ZNF536: variants seen among roughly 807,000 people sequenced by gnomAD.
The protein encoded by ZNF536 is zinc finger protein 536.
Under a neutral mutation model 84.5 loss-of-function variants are expected in ZNF536, and 13 were observed. The ratio of observed to expected loss-of-function variants is 0.15; its 90% CI spans 0.10 to 0.24. ZNF536 has a LOEUF of 0.24. Ranked by LOEUF, ZNF536 falls within the 10% of genes least tolerant of loss-of-function variation. The pLI, the probability that ZNF536 is intolerant of heterozygous loss-of-function variation, is 1.00. For missense variants in ZNF536, 1,536 were observed against 1,747.5 expected, an observed-to-expected ratio of 0.88 and a Z score of 2.16; for synonymous variants, 811 against 742.5, an observed-to-expected ratio of 1.09 and a Z score of -1.50.
At chr19:30,595,461 A>AT (rs1170381999) in intron 1 of ZNF536, among the ~76,000 whole-genome samples, 4 of 151,594 alleles carry the variant, frequency 2.6e-5, no homozygotes, top group Non-Finnish European at 5.9e-5. Flanking sequence ...CTATTTTTTA[A>AT]TTTTTTTGTA....
chr19:30,395,103 C>G (rs932650261), intron 1 of ZNF536, among the ~76,000 whole-genome samples: 1 of 152,134 alleles, frequency 6.6e-6, no homozygotes, highest in African/African-American at 2.4e-5. Context: ...CTTCTTAGGG[C>G]TTTCGTTGTG....
chr19:30,685,330 G>A (rs983766432), intron 1 of ZNF536, among the ~76,000 whole-genome samples: 2 of 152,192 alleles, frequency 1.3e-5, no homozygotes, highest in African/African-American at 2.4e-5. Context: ...CTGAGCTGAT[G>A]GAGAGACTCT....
In ZNF536 at chr19:30,336,139, A is replaced by G. The variant is rs115713355; in HGVS notation, c.-119-16229A>G. Among the ~76,000 whole-genome samples the G allele has an allele frequency of 8.2e-3, 1,255 of 152,322 alleles. 16 individuals are homozygous for G. The highest frequency in any genetic ancestry group is 0.029 in the African/African-American group (1,221 of 41,570). The stretch of plus-strand genomic sequence containing the variant: ...CTACTGAGCGCAGACTGTATGTCCT[A>G]TGCTGGTTTAGGTTCCAGCATGAGA... On this transcript the variant is annotated intron_variant, in intron 2 of 5. Coordinates refer to the ZNF536 transcript ENST00000585628.
intron 2 of ZNF536, among the ~76,000 whole-genome samples, chr19:30,454,888 C>A (rs1005262953): frequency 2.0e-5 from 3 of 152,178 alleles, no homozygotes; most frequent in Non-Finnish European, 4.4e-5. Flanking sequence ...CAAAAATTAA[C>A]CGGGCTTGGT....
At chr19:30,451,131 G>A (rs1009022179) in intron 2 of ZNF536, among the ~76,000 whole-genome samples, 3 of 152,274 alleles carry the variant, frequency 2.0e-5, no homozygotes, top group Non-Finnish European at 4.4e-5. Context: ...AGGCGAATAA[G>A]CCGGCTGGTC....
chr19:30,613,141 G>A (rs1440974394), intron 1 of ZNF536, among the ~76,000 whole-genome samples: 1 of 152,174 alleles, frequency 6.6e-6, no homozygotes, highest in Non-Finnish European at 1.5e-5. Context: ...GGAACTTGAG[G>A]TGATCTTTCC....
At chr19:30,628,095 C>T (rs191488080) in intron 1 of ZNF536, among the ~76,000 whole-genome samples, 45 of 152,318 alleles carry the variant, frequency 3.0e-4, no homozygotes, top group South Asian at 1.4e-3. Context: ...GCTTTCTGCA[C>T]GAGGGTGCCC....
intron 1 of ZNF536, among the ~76,000 whole-genome samples, chr19:30,435,403 T>TTGATGGTGATGATGCTGG (rs1247253600): frequency 4.8e-5 from 7 of 146,030 alleles, no homozygotes; most frequent in African/African-American, 1.8e-4. Flanking sequence ...GATGATGCTG[T>TTGATGGTGATGATGCTGG]TGATGGTGAT....
At chr19:30,412,475 G>T (rs2050533945) in intron 1 of ZNF536, among the ~76,000 whole-genome samples, 1 of 151,944 alleles carries the variant, frequency 6.6e-6, no homozygotes, top group Non-Finnish European at 1.5e-5. Context: ...ACTTTCTATT[G>T]TTGAATGAAT....
intron 1 of ZNF536, among the ~76,000 whole-genome samples, chr19:30,662,962 C>CTTTTTTTTTTTTTTTTTTTTTTTTTT (rs951081577): frequency 3.8e-5 from 3 of 78,754 alleles, no homozygotes; most frequent in East Asian, 3.9e-4. Context: ...TTTTTCGTTT[C>CTTTTTTTTTTTTTTTTTTTTTTTTTT]TTTTTTTTTT....
At chr19:30,633,834 A>G (rs1047750182) in intron 1 of ZNF536, among the ~76,000 whole-genome samples, 8 of 152,212 alleles carry the variant, frequency 5.3e-5, no homozygotes, top group Non-Finnish European at 1.0e-4. Flanking sequence ...TCGGCCTCCC[A>G]AAATGCAGGG....
chr19:30,712,428 T>TAAAAAAAAAAAAAAAAAAA, exon 2 of ZNF536: 1 of 141,972 alleles, frequency 7.0e-6, no homozygotes, highest in African/African-American at 2.6e-5. Flanking sequence ...CATTCAGACT[T>TAAAAAAAAAAAAAAAAAAA]AAAAAAAAAA....
At chr19:30,514,630 A>G (rs1599651456) in intron 2 of ZNF536, among the ~76,000 whole-genome samples, 1 of 151,702 alleles carries the variant, frequency 6.6e-6, no homozygotes, top group Non-Finnish European at 1.5e-5. Context: ...GGGCATCAAG[A>G]CCAGCTTCTT....
upstream of ZNF536, among the ~76,000 whole-genome samples, chr19:30,227,216 C>A (rs573364217): frequency 6.6e-6 from 1 of 152,248 alleles, no homozygotes; most frequent in South Asian, 2.1e-4. Context: ...CTTCACTCTG[C>A]GGAGTGAACT....
At chr19:30,485,289 A>T (rs2054261342) in intron 2 of ZNF536, among the ~76,000 whole-genome samples, 1 of 152,126 alleles carries the variant, frequency 6.6e-6, no homozygotes, top group Non-Finnish European at 1.5e-5. Context: ...TTTTTTTGGT[A>T]ACAGCTTTAT....
intron 1 of ZNF536, among the ~76,000 whole-genome samples, chr19:30,413,201 G>T (rs1427149503): frequency 6.6e-6 from 1 of 151,990 alleles, no homozygotes; most frequent in Non-Finnish European, 1.5e-5. Context: ...AAAGGGTGTG[G>T]AGCGGTTCTA....
At chr19:30,558,104 C>T (rs2046028038), downstream of ZNF536, 1 of 147,224 alleles carries the variant, frequency 6.8e-6, no homozygotes, top group Non-Finnish European at 1.5e-5. Context: ...CAACATCCCC[C>T]TCACCCCGAC....
intron 2 of ZNF536, among the ~76,000 whole-genome samples, chr19:30,473,427 A>G (rs1342165741): frequency 6.6e-6 from 1 of 152,120 alleles, no homozygotes; most frequent in Non-Finnish European, 1.5e-5. Flanking sequence ...CAAGTGGCTT[A>G]TACAGACAAG....
chr19:30,445,415 A>G lies in ZNF536; in HGVS notation c.1853A>G (p.Tyr618Cys). 1 of 1,614,154 alleles carries G rather than the reference A, an allele frequency of 6.2e-7. No individual in the cohort carries two copies. Among genetic ancestry groups the G allele is most frequent in the Non-Finnish European group, 8.5e-7 (1 of 1,180,024 alleles). ...CACGGGCTGAACCAGACTCTCGAGT[A>G]TAACCTGCAGGGTCCTGGGAACATG... ...LSHGLNQTLE[Y>C]NLQGPGNMKE... The change falls in exon 2 of 5, where the codon TAT becomes TGT. Residue 618 changes from tyrosine to cysteine, a missense_variant. Tyr to Cys is a radical substitution (Grantham distance 194). Around this residue, in one of 8 missense-constraint regions of ZNF536, gnomAD observed 366 missense variants for 364.4 expected, o/e 1.00. Transcript: ENST00000355537. This position sits in a 1 kb window ranked among gnomAD's most constrained non-coding sequence, Gnocchi z 4.5.
Sources: gnomAD v4.1 joint callset for allele counts (sites outside exome capture counted in the v4.1 genomes callset) on GRCh38, gnomAD v4.1.1 for gene constraint, gnomAD v4.1.1 regional missense constraint, Gnocchi (gnomAD v3.1) non-coding constraint, MANE v1.5 for transcripts, NCBI Gene and HGNC (gene_info 2026-07-23, HGNC 2026-07-21) for gene names.